The following MVK variants were observed in gnomAD, a reference collection of about 807,000 sequenced individuals.
The protein encoded by MVK is mevalonate kinase, also known as LH receptor mRNA-binding protein.
In MVK, 34 loss-of-function variants were observed where a neutral mutation model predicts 43.2. The observed-to-expected ratio is 0.79, with a 90% CI of 0.60 to 1.05. MVK has a LOEUF of 1.05. Among genes scored for constraint, MVK ranks in the 50% least tolerant of loss-of-function variants. MVK has a pLI of 0.00. For missense variants in MVK, 395 were observed against 504.0 expected, an observed-to-expected ratio of 0.78 and a Z score of 2.07; for synonymous variants, 190 against 219.8, an observed-to-expected ratio of 0.86 and a Z score of 1.20.
chr12:109,594,335 A>G (rs963880368), intron 9 of MVK, among the ~76,000 whole-genome samples: 1 of 152,362 alleles, frequency 6.6e-6, no homozygotes, highest in South Asian at 2.1e-4. Context: ...TTTATCCTGC[A>G]TAACTGAAGA....
intron 10 of MVK, among the ~76,000 whole-genome samples, chr12:109,596,214 A>T (rs767570469): frequency 6.6e-6 from 1 of 152,158 alleles, no homozygotes; most frequent in Non-Finnish European, 1.5e-5. Context: ...CCATGTTTTT[A>T]ACTCTTGCTC....
At chr12:109,579,984 C>A (rs1188392785) in intron 4 of MVK, 38 bp downstream of exon 4, 2 of 1,613,824 alleles carry the variant, frequency 1.2e-6, no homozygotes, top group Admixed American at 3.3e-5. Flanking sequence ...CAGATTCAGC[C>A]TCCCATGGAG....
At chr12:109,593,470 G>A (rs1051027565) in intron 9 of MVK, among the ~76,000 whole-genome samples, 1 of 147,012 alleles carries the variant, frequency 6.8e-6, no homozygotes, top group Admixed American at 6.7e-5. Context: ...AGTGAGGAAT[G>A]CCAGGGGGTG....
chr12:109,595,288 C>G lies in MVK; in HGVS notation c.1039+107C>G. ...AGAGACCTGGAAACAGGTCTCAGCTCCGCTGTGTGGCCTTGGGCAAGTTAG... is the reference window on the plus strand; with the variant it reads ...AGAGACCTGGAAACAGGTCTCAGCTGCGCTGTGTGGCCTTGGGCAAGTTAG... On this transcript the variant is annotated intron_variant, in intron 10 of 10. Coordinates refer to ENST00000228510, the MANE Select transcript of MVK (RefSeq NM_000431.4). The surrounding 1 kb of genome is among the most constrained non-coding windows in gnomAD (Gnocchi z 5.9). 7.0e-7 allele frequency: 1 copy of G among 1,433,304 alleles called. No homozygotes were observed. Among genetic ancestry groups the G allele is most frequent in the South Asian group, 1.3e-5 (1 of 79,900 alleles). 88.8% of individuals were successfully genotyped at this position (1,433,304 alleles called of 1,614,324 possible).
chr12:109,593,716 ATTT>A (rs33948292), intron 9 of MVK, among the ~76,000 whole-genome samples: 3 of 110,394 alleles, frequency 2.7e-5, no homozygotes, highest in African/African-American at 3.8e-5. Context: ...AAAGAAGCAG[ATTT>A]TTTTTTTTTT....
In MVK at chr12:109,578,386, T is replaced by C. The variant is rs539561832; in HGVS notation, c.227-1416T>C. On this transcript the variant is annotated intron_variant, in intron 3 of 10. Coordinates refer to ENST00000228510, the MANE Select transcript of MVK (RefSeq NM_000431.4). ...AGCTGGGAATATAAGCACATACCAC[T>C]GCACCGTGCTACTACAGTGAACACT... Among the ~76,000 whole-genome samples the C allele has an allele frequency of 2.0e-4, 30 of 152,214 alleles. No homozygotes were observed. In the Middle Eastern group the frequency reaches 0.01, roughly 52 times the overall value.
chr12:109,594,298 C>T (rs539343189), intron 9 of MVK, among the ~76,000 whole-genome samples: 1 of 152,196 alleles, frequency 6.6e-6, no homozygotes, highest in Non-Finnish European at 1.5e-5. Context: ...CCACATGCAT[C>T]TTGTTGGATC....
At chr12:109,573,553 T>G, upstream of MVK, 1 of 1,522,228 alleles carries the variant, frequency 6.6e-7, no homozygotes, top group Non-Finnish European at 8.8e-7. Flanking sequence ...CACCCACAGC[T>G]GGCCGCGCCA....
rs146087551 is a variant in MVK at position 109,575,673 on chromosome 12, C to G, written c.79-325C>G. Among the ~76,000 whole-genome samples the G allele has an allele frequency of 8.3e-4, 127 of 152,306 alleles. 1 individual carries two copies. The highest frequency in any genetic ancestry group is 2.9e-3 in the African/African-American group (122 of 41,568). On this transcript the variant is annotated intron_variant, in intron 2 of 10. Transcript: ENST00000228510. ...AAAGTGCTGGGATTACAGATATGAGCCACCACACCTGGCTTCTCACTGCTA... is the reference window on the plus strand; with the variant it reads ...AAAGTGCTGGGATTACAGATATGAGGCACCACACCTGGCTTCTCACTGCTA...
intron 5 of MVK, among the ~76,000 whole-genome samples, chr12:109,584,587 C>T (rs867125838): frequency 6.6e-6 from 1 of 152,048 alleles, no homozygotes; most frequent in Non-Finnish European, 1.5e-5. Flanking sequence ...AGGATGGGCT[C>T]CAAAAAGGGC....
intron 2 of MVK, 143 bp downstream of exon 2, chr12:109,575,043 T>C: frequency 2.5e-6 from 2 of 809,700 alleles, no homozygotes; most frequent in Non-Finnish European, 4.2e-6. Flanking sequence ...AAGGAAAAGA[T>C]TTCTTATGCC....
At chr12:109,578,493 T>C (rs780147622) in intron 3 of MVK, among the ~76,000 whole-genome samples, 3 of 152,174 alleles carry the variant, frequency 2.0e-5, no homozygotes, top group Non-Finnish European at 2.9e-5. Context: ...TCCCTGGAAG[T>C]AGGTGGTGGT....
chr12:109,593,111 G>A (rs1380034164), intron 9 of MVK, among the ~76,000 whole-genome samples: 1 of 152,246 alleles, frequency 6.6e-6, no homozygotes. Context: ...GACAGATTTT[G>A]GATCAGAATG....
chr12:109,587,619 G>A (rs996882698), intron 7 of MVK, among the ~76,000 whole-genome samples: 2 of 152,094 alleles, frequency 1.3e-5, no homozygotes, highest in African/African-American at 4.8e-5. Flanking sequence ...TAAGGGTCCT[G>A]GGGCTCTCTC....
Position 109,595,419 on chromosome 12 carries a change from G to C in MVK, c.1039+238G>C, listed in dbSNP as rs1259217840. Among the ~76,000 whole-genome samples, 2 of 152,140 alleles carry C rather than the reference G, an allele frequency of 1.3e-5. No individual in the cohort carries two copies. The highest frequency in any genetic ancestry group is 2.4e-5 in the African/African-American group (1 of 41,414). ...CAGGAAAGTGCACCTAGAGAGCCTG[G>C]TGCAGGGCTGGGCTGTGGCTGGGGC... On this transcript the variant is annotated intron_variant, in intron 10 of 10. Transcript: ENST00000228510. The surrounding 1 kb of genome is among the most constrained non-coding windows in gnomAD (Gnocchi z 5.9).
intron 8 of MVK, 124 bp from the exon 9 acceptor site, chr12:109,591,117 G>A: frequency 2.9e-6 from 3 of 1,029,600 alleles, no homozygotes; most frequent in Non-Finnish European, 4.5e-6. Context: ...GAAGAGAGGT[G>A]GTTTCCCCAG....
chr12:109,583,931 G>T (rs911925356), intron 5 of MVK, among the ~76,000 whole-genome samples: 1 of 152,210 alleles, frequency 6.6e-6, no homozygotes, highest in Non-Finnish European at 1.5e-5. Flanking sequence ...GCACATAGCA[G>T]TTGCTCAATA....
Position 109,586,139 on chromosome 12 carries a change from C to T in MVK, c.631+14C>T. 2 of 1,592,070 alleles carry T rather than the reference C, an allele frequency of 1.3e-6. No homozygotes were observed. The highest frequency in any genetic ancestry group is 1.7e-6 in the Non-Finnish European group (2 of 1,160,296). On this transcript the variant is annotated intron_variant, in intron 6 of 10. Coordinates refer to ENST00000228510, the MANE Select transcript of MVK (RefSeq NM_000431.4). ...TCAGCACCTGGGGTAGGTGTGGCCT[C>T]AGGTTTATTTTATTGTTGTTATTTT...
intron 9 of MVK, 97 bp downstream of exon 9, chr12:109,591,454 C>A (rs1885680419): frequency 3.3e-6 from 4 of 1,224,644 alleles, no homozygotes; most frequent in Non-Finnish European, 2.4e-6. Context: ...CCCCCGGAAG[C>A]TAGCACATAG....
Sources: allele counts gnomAD v4.1 joint callset (sites outside exome capture counted in the v4.1 genomes callset), GRCh38; gene constraint gnomAD v4.1.1; non-coding constraint Gnocchi (gnomAD v3.1); transcripts MANE v1.5; gene names NCBI Gene and HGNC (gene_info 2026-07-23, HGNC 2026-07-21).